PCDHA7: variants seen among roughly 807,000 people sequenced by gnomAD.
PCDHA7 encodes protocadherin alpha-7.
A neutral mutation model predicts 57.2 loss-of-function variants in PCDHA7; 37 were observed. The observed-to-expected ratio is 0.65, with a 90% CI of 0.50 to 0.85. The LOEUF (loss-of-function observed/expected upper bound fraction) is 0.85. Among genes scored for constraint, PCDHA7 ranks in the 40% least tolerant of loss-of-function variants. PCDHA7 has a pLI of 0.00. For missense variants in PCDHA7, 1,188 were observed against 1,241.8 expected, an observed-to-expected ratio of 0.96 and a Z score of 0.65; for synonymous variants, 553 against 558.8, an observed-to-expected ratio of 0.99 and a Z score of 0.15.
rs782074950 is a variant in PCDHA7, at chr5:140,851,878, A to G, written c.2355+15140A>G. On this transcript the variant is annotated intron_variant, in intron 1 of 3. Transcript: ENST00000525929. ...AGCTCATACATAACACAAGGCAGAA[A>G]TCTGGATATGAGATTTGCCTCTTTA... is the stretch of plus-strand genomic sequence containing the variant. 6.1e-6 allele frequency: 6 copies of G among 977,806 alleles called. 1 individual carries two copies. The highest frequency in any genetic ancestry group is 7.4e-6 in the Non-Finnish European group (6 of 810,298). The allele number at this position is 977,806 out of a possible 1,614,324, so 60.6% of individuals were successfully genotyped here.
intron 1 of PCDHA7, chr5:140,857,810 C>T (rs1411794040): frequency 1.9e-6 from 3 of 1,597,674 alleles, no homozygotes; most frequent in Non-Finnish European, 2.6e-6. Context: ...GGTTGCGGGT[C>T]ACGTGGTGGC....
chr5:140,869,392 G>T, intron 1 of PCDHA7: 1 of 1,614,164 alleles, frequency 6.2e-7, no homozygotes, highest in Non-Finnish European at 8.5e-7. Flanking sequence ...GGAGCTGTGC[G>T]GGCAGAGCGC....
chr5:140,834,506 T>A lies in PCDHA7; in HGVS notation c.123T>A (p.His41Gln). Residue 41 changes from histidine (H) to glutamine (Q), a missense_variant, in exon 1 of 4, where the codon CAT (histidine) becomes CAA (glutamine). Physicochemically the swap from His to Gln is conservative, Grantham distance 24. Coordinates refer to ENST00000525929, the MANE Select transcript of PCDHA7 (RefSeq NM_018910.3). ...LHYSVPEEAK[H>Q]GNFVGRIAQD... ...ACTCGGTCCCCGAGGAGGCTAAACA[T>A]GGCAACTTCGTGGGCCGCATCGCGC... 1 of 1,614,072 alleles carries A rather than the reference T, an allele frequency of 6.2e-7. No individual in the cohort carries two copies. The highest frequency in any genetic ancestry group is 8.5e-7 in the Non-Finnish European group (1 of 1,180,030).
chr5:140,852,714 G>T, intron 1 of PCDHA7: 2 of 980,718 alleles, frequency 2.0e-6, no homozygotes, highest in South Asian at 9.5e-5. Flanking sequence ...CTTTGTCTTT[G>T]CACGTTTTTC....
rs2150228376 is a variant in PCDHA7, at chr5:140,834,869, C to A, written c.486C>A (p.Ile162=). Residue 162 remains isoleucine (I), a synonymous_variant, in exon 1 of 4, where the codon ATC becomes ATA. Transcript: ENST00000525929. ...TAGAGGGCGCGTCCGATGCAGATAT[C>A]GGGGAGAACGCCCTGCTCACTTACA... ...FPLEGASDAD[I]GENALLTYRL... is the part of the protein sequence containing the mutation. 5.6e-6 allele frequency: 9 copies of A among 1,609,116 alleles called. No homozygotes were observed. The African/African-American group carries it at 9.5e-5, about 17-fold the overall frequency.
intron 1 of PCDHA7, chr5:140,866,169 T>C (rs914189373): frequency 2.0e-5 from 3 of 152,132 alleles, no homozygotes; most frequent in African/African-American, 4.8e-5. Context: ...TCGTTTAACA[T>C]GTAAGAAAAG....
rs1180805331 is a variant in PCDHA7 at position 140,853,371 on chromosome 5, G to C, written c.2355+16633G>C. On this transcript the variant is annotated intron_variant, in intron 1 of 3. Coordinates refer to ENST00000525929, the MANE Select transcript of PCDHA7 (RefSeq NM_018910.3). ...ATGAACTCACAGGGATCCAGAGATGGTAAAATTCAAAACAGCCTGTCAAGT... is the reference window on the plus strand; with the variant it reads ...ATGAACTCACAGGGATCCAGAGATGCTAAAATTCAAAACAGCCTGTCAAGT... 3.0e-6 allele frequency: 3 copies of C among 983,910 alleles called. No homozygotes were observed. In the African/African-American group the frequency reaches 5.3e-5, roughly 17 times the overall value. The allele number at this position is 983,910 out of a possible 1,614,324, so 60.9% of individuals were successfully genotyped here.
In PCDHA7 at chr5:140,836,233, G is replaced by A; in HGVS notation, c.1850G>A (p.Gly617Asp). The change falls in exon 1 of 4, where the codon GGT becomes GAT. Residue 617 changes from glycine to aspartate, a missense_variant. Physicochemically the swap from Gly to Asp is moderately conservative, Grantham distance 94. This residue lies in a region of PCDHA7 where 892 missense variants were observed against 788.5 expected (regional missense o/e 1.13). Transcript: ENST00000525929. ...TATGAGTTGCAACCGGTGGCGGCCGGTGCGAGCATCCCGTTCCGCGTGGGG... is the reference window on the plus strand; with the variant it reads ...TATGAGTTGCAACCGGTGGCGGCCGATGCGAGCATCCCGTTCCGCGTGGGG... ...LSYELQPVAA[G>D]ASIPFRVGLY... 5 of 1,613,764 alleles carry A rather than the reference G, an allele frequency of 3.1e-6. No homozygotes were observed. The highest frequency in any genetic ancestry group is 4.2e-6 in the Non-Finnish European group (5 of 1,179,808).
intron 1 of PCDHA7, chr5:140,877,364 T>A: frequency 6.2e-7 from 1 of 1,613,948 alleles, no homozygotes; most frequent in Non-Finnish European, 8.5e-7. Context: ...ACTGGCGAGA[T>A]CAGCACGACA....
chr5:140,897,790 T>C (rs1219376194), intron 1 of PCDHA7, among the ~76,000 whole-genome samples: 378 of 152,274 alleles, frequency 2.5e-3, no homozygotes, highest in African/African-American at 8.4e-3. Flanking sequence ...GTTGAACTAG[T>C]TTAGAGTCCC....
Position 140,842,921 on chromosome 5 carries a change from C to T in PCDHA7, c.2355+6183C>T. 5 of 1,594,348 alleles carry T rather than the reference C, an allele frequency of 3.1e-6. 1 individual carries two copies. Among genetic ancestry groups the T allele is most frequent in the Non-Finnish European group, 4.3e-6 (5 of 1,165,382 alleles). On this transcript the variant is annotated intron_variant, in intron 1 of 3. Transcript: ENST00000525929. The stretch of plus-strand genomic sequence containing the variant: ...CGAGGAGCTAGAGCTGCTGCAGTTC[C>T]AGGTGAGCGCGCGCGACGCGGGCGT...
intron 1 of PCDHA7, chr5:140,877,301 A>T (rs2057007244): frequency 6.2e-7 from 1 of 1,613,758 alleles, no homozygotes; most frequent in African/African-American, 1.3e-5. Flanking sequence ...CTGTCCTACG[A>T]GTTGCAACCG....
chr5:140,871,210 A>T (rs2052831697), intron 1 of PCDHA7: 2 of 1,613,818 alleles, frequency 1.2e-6, no homozygotes, highest in Middle Eastern at 1.7e-4. Flanking sequence ...GATCATCGCC[A>T]TCTGCGTGGT....
At chr5:140,974,083 T>C (rs1345131685) in intron 1 of PCDHA7, among the ~76,000 whole-genome samples, 1 of 152,236 alleles carries the variant, frequency 6.6e-6, no homozygotes, top group Non-Finnish European at 1.5e-5. Flanking sequence ...AACCATGACT[T>C]CAAAAATCAA....
chr5:140,850,291 C>G (rs2150477990), intron 1 of PCDHA7: 2 of 1,595,974 alleles, frequency 1.3e-6, no homozygotes, highest in South Asian at 2.2e-5. Flanking sequence ...GCAGTGGACG[C>G]CGACTCGGGC....
intron 1 of PCDHA7, among the ~76,000 whole-genome samples, chr5:140,901,220 TC>T (rs1383510008): frequency 6.6e-6 from 1 of 152,200 alleles, no homozygotes; most frequent in Non-Finnish European, 1.5e-5. Context: ...GTTGATGTGA[TC>T]CCATATATCC....
intron 3 of PCDHA7, among the ~76,000 whole-genome samples, chr5:140,993,183 A>C (rs551464442): frequency 2.7e-4 from 41 of 152,298 alleles, no homozygotes; most frequent in Non-Finnish European, 5.0e-4. Flanking sequence ...ATTTCTTTAG[A>C]GGGAAACTCA....
chr5:140,997,124 C>T (rs933067358), intron 3 of PCDHA7, among the ~76,000 whole-genome samples: 2 of 152,074 alleles, frequency 1.3e-5, no homozygotes, highest in Non-Finnish European at 2.9e-5. Context: ...CCCACATACA[C>T]AATGCCCCCA....
chr5:140,887,025 T>G (rs1352119867), intron 1 of PCDHA7, among the ~76,000 whole-genome samples: 3 of 152,076 alleles, frequency 2.0e-5, no homozygotes, highest in Non-Finnish European at 4.4e-5. Context: ...CCTGAAAAAT[T>G]TCTTTAATAT....
Sources: gnomAD v4.1 joint callset for allele counts (sites outside exome capture counted in the v4.1 genomes callset) on GRCh38, gnomAD v4.1.1 for gene constraint, gnomAD v4.1.1 regional missense constraint, MANE v1.5 for transcripts, NCBI Gene and HGNC (gene_info 2026-07-23, HGNC 2026-07-21) for gene names.